The following KCNIP4 variants were observed in gnomAD, a reference collection of about 807,000 sequenced individuals.
KCNIP4 encodes Kv channel-interacting protein 4.
KCNIP4 carries 12 observed loss-of-function variants against 34.0 expected under a neutral mutation model. That is an observed-to-expected ratio of 0.35 (90% CI 0.23 to 0.57). KCNIP4 has a LOEUF of 0.57. KCNIP4 is among the 20% of genes least tolerant of loss of function. KCNIP4 has a pLI of 0.83. For synonymous variants in KCNIP4, 124 were observed against 102.2 expected, an observed-to-expected ratio of 1.21 and a Z score of -1.29; for missense variants, 238 against 311.7, an observed-to-expected ratio of 0.76 and a Z score of 1.78.
In KCNIP4 at chr4:21,346,199, A is replaced by C. The variant is rs796925647; in HGVS notation, c.62-463490T>G. Among the ~76,000 whole-genome samples, 27 of 42,670 alleles carry C rather than the reference A, an allele frequency of 6.3e-4. 2 individuals carry two copies. The highest frequency in any genetic ancestry group is 3.3e-3 in the Admixed American group (8 of 2,396). The allele number at this position is 42,670 out of a possible 152,430, so 28.0% of individuals were successfully genotyped here. On this transcript the variant is annotated intron_variant, in intron 1 of 8. Transcript: ENST00000382152. The stretch of plus-strand genomic sequence containing the variant: ...TAATATATATTATATATATAGAATT[A>C]TATATATAATATATATTATATATAA...
chr4:20,734,531 C>CA, intron 6 of KCNIP4, 97 bp downstream of exon 6: 3 of 606,108 alleles, frequency 4.9e-6, no homozygotes, highest in Non-Finnish European at 8.2e-6. Context: ...GGAATTTCCT[C>CA]AAAAAAACTT....
In KCNIP4 at chr4:21,334,350, GAATGATGTGTTCTGAGGGGCAT is replaced by G. The variant is rs569103017; in HGVS notation, c.62-451663_62-451642del. Among the ~76,000 whole-genome samples, 590 of 152,150 alleles carry G rather than the reference GAATGATGTGTTCTGAGGGGCAT, an allele frequency of 3.9e-3. 3 individuals are homozygous for G. The highest frequency in any genetic ancestry group is 0.013 in the African/African-American group (537 of 41,534). Reference sequence around the variant, plus strand: ...AAAAATAATGTTAACTTTGGCTTCAGAATGATGTGTTCTGAGGGGCATAAGTTTATGATACTCTGGGTGTTGA... The same window carrying G: ...AAAAATAATGTTAACTTTGGCTTCAGAAGTTTATGATACTCTGGGTGTTGA... On this transcript the variant is annotated intron_variant, in intron 1 of 8. Coordinates refer to ENST00000382152, the MANE Select transcript of KCNIP4 (RefSeq NM_025221.6).
intron 1 of KCNIP4, among the ~76,000 whole-genome samples, chr4:21,350,874 T>A (rs1196885440): frequency 6.6e-6 from 1 of 152,206 alleles, no homozygotes; most frequent in East Asian, 1.9e-4. Context: ...TTTTTAATAA[T>A]ATTCATTTTC....
chr4:21,475,192 CAGG>C (rs1341241904), intron 1 of KCNIP4, among the ~76,000 whole-genome samples: 1 of 152,142 alleles, frequency 6.6e-6, no homozygotes, highest in African/African-American at 2.4e-5. Flanking sequence ...AAAAGACACA[CAGG>C]AGAATATATA....
chr4:21,098,555 A>C (rs1747660877), intron 1 of KCNIP4, among the ~76,000 whole-genome samples: 1 of 152,180 alleles, frequency 6.6e-6, no homozygotes, highest in Admixed American at 6.6e-5. Flanking sequence ...GCAACAACAA[A>C]GCCTGAATAA....
chr4:20,794,665 A>G (rs1713217338), intron 3 of KCNIP4, among the ~76,000 whole-genome samples: 1 of 152,188 alleles, frequency 6.6e-6, no homozygotes, highest in Admixed American at 6.5e-5. Context: ...ATTGGGAATA[A>G]CATCTGGATT....
At chr4:21,191,524 G>A (rs772524992) in intron 1 of KCNIP4, among the ~76,000 whole-genome samples, 34 of 152,108 alleles carry the variant, frequency 2.2e-4, no homozygotes, top group Non-Finnish European at 4.1e-4. Context: ...AGGATGATGC[G>A]CCCTAGTGCT....
At chr4:21,130,038 A>C (rs1243393990) in intron 1 of KCNIP4, among the ~76,000 whole-genome samples, 1 of 152,110 alleles carries the variant, frequency 6.6e-6, no homozygotes, top group Admixed American at 6.5e-5. Context: ...TTCTCCCGGC[A>C]AAACGTTTTG....
chr4:21,803,262 C>G (rs1352534856), intron 1 of KCNIP4, among the ~76,000 whole-genome samples: 1 of 152,148 alleles, frequency 6.6e-6, no homozygotes, highest in Non-Finnish European at 1.5e-5. Context: ...ATTATACAGT[C>G]TTATTTATTT....
At chr4:21,645,246 C>T (rs190912888) in intron 1 of KCNIP4, among the ~76,000 whole-genome samples, 4 of 152,106 alleles carry the variant, frequency 2.6e-5, no homozygotes, top group South Asian at 2.1e-4. Flanking sequence ...GTTATAGATG[C>T]GTAAAATGAT....
At chr4:20,734,522 G>C in intron 6 of KCNIP4, 106 bp downstream of exon 6, 10 of 550,840 alleles carry the variant, frequency 1.8e-5, no homozygotes, top group Non-Finnish European at 2.8e-5. Context: ...AAATATTTTG[G>C]AATTTCCTCA....
chr4:21,935,960 G>T (rs1487409295), intron 1 of KCNIP4, among the ~76,000 whole-genome samples: 4 of 80,954 alleles, frequency 4.9e-5, no homozygotes, highest in African/African-American at 2.1e-4. Context: ...AAGAAATGAA[G>T]ATTATATATA....
At chr4:20,861,042 G>A (rs1360966240) in intron 2 of KCNIP4, among the ~76,000 whole-genome samples, 1 of 152,098 alleles carries the variant, frequency 6.6e-6, no homozygotes, top group Admixed American at 6.6e-5. Context: ...CTCAAAGAGG[G>A]TGGCATGATA....
intron 1 of KCNIP4, among the ~76,000 whole-genome samples, chr4:21,938,544 C>G (rs772578705): frequency 4.6e-5 from 7 of 152,052 alleles, no homozygotes; most frequent in Admixed American, 3.9e-4. Context: ...GTATTATACA[C>G]GATTCTGTAT....
intron 1 of KCNIP4, among the ~76,000 whole-genome samples, chr4:21,566,853 T>A (rs981353941): frequency 3.9e-5 from 6 of 151,998 alleles, no homozygotes; most frequent in African/African-American, 1.4e-4. Context: ...GACTGCAACA[T>A]CAAGGAACCC....
intron 1 of KCNIP4, among the ~76,000 whole-genome samples, chr4:21,247,549 A>G (rs1760301368): frequency 7.1e-6 from 1 of 141,832 alleles, no homozygotes; most frequent in Non-Finnish European, 1.5e-5. Context: ...AGAAATATGT[A>G]TATCTATATA....
chr4:20,809,705 T>A (rs1396417986), intron 3 of KCNIP4, among the ~76,000 whole-genome samples: 1 of 152,220 alleles, frequency 6.6e-6, no homozygotes, highest in Non-Finnish European at 1.5e-5. Flanking sequence ...ATTTGAGTAA[T>A]AAACTTACTC....
At position 21,499,338 on chromosome 4, in the gene KCNIP4, A is replaced by AAAAAAAAAAAAAC. The variant is rs1490043958; in HGVS notation, c.61+449232_61+449233insGTTTTTTTTTTTT. Reference sequence around the variant, plus strand: ...AGAGTAAGACTCCATCTCAAAAAAAAAAAAAAAACAACTACATAATATTAT... The same window carrying AAAAAAAAAAAAAC: ...AGAGTAAGACTCCATCTCAAAAAAAAAAAAAAAAAAAACAAAAAAAACAACTACATAATATTAT... On this transcript the variant is annotated intron_variant, in intron 1 of 8. Transcript: ENST00000382152. Among the ~76,000 whole-genome samples the AAAAAAAAAAAAAC allele has an allele frequency of 2.8e-4, 42 of 151,800 alleles. No homozygotes were observed. The South Asian group carries it at 8.3e-3, about 30-fold the overall frequency.
At chr4:21,144,182 A>T (rs28641886) in intron 1 of KCNIP4, among the ~76,000 whole-genome samples, 100,466 of 152,100 alleles carry the variant, frequency 0.66, 33,647 homozygotes, top group African/African-American at 0.76. Context: ...AACCAGTATT[A>T]TATTTGTCAG....
Sources: gnomAD v4.1 joint callset for allele counts (sites outside exome capture counted in the v4.1 genomes callset) on GRCh38, gnomAD v4.1.1 for gene constraint, MANE v1.5 for transcripts, NCBI Gene and HGNC (gene_info 2026-07-23, HGNC 2026-07-21) for gene names.